VRK3: variants seen among roughly 807,000 people sequenced by gnomAD.
The protein encoded by VRK3 is VRK serine/threonine kinase 3.
In VRK3, 50 loss-of-function variants were observed where a neutral mutation model predicts 60.4. The ratio of observed to expected loss-of-function variants is 0.83; its 90% CI spans 0.66 to 1.05. VRK3 has a LOEUF of 1.05. VRK3 is among the 50% of genes least tolerant of loss of function. The pLI, the probability that VRK3 is intolerant of heterozygous loss-of-function variation, is 0.00. For missense variants in VRK3, 549 were observed against 585.3 expected (o/e 0.94, Z 0.64); for synonymous variants, 246 against 227.8 (o/e 1.08, Z -0.72).
intron 5 of VRK3, among the ~76,000 whole-genome samples, chr19:50,001,792 T>G (rs1469915966): frequency 6.6e-6 from 1 of 152,166 alleles, no homozygotes; most frequent in Non-Finnish European, 1.5e-5. Context: ...CTCCTCCATC[T>G]GCTCTCTGTA....
intron 14 of VRK3, chr19:49,978,738 T>C (rs1261890790): frequency 5.3e-6 from 1 of 189,070 alleles, no homozygotes; most frequent in Non-Finnish European, 1.1e-5. Context: ...GAGGGAGGCA[T>C]GGATGCAAGA....
intron 10 of VRK3, among the ~76,000 whole-genome samples, chr19:49,991,589 G>A (rs2076614099): frequency 1.3e-5 from 2 of 152,028 alleles, no homozygotes; most frequent in South Asian, 4.1e-4. Context: ...CTAATGCTTA[G>A]TTCCAGGATT....
At position 49,979,918 on chromosome 19, in the gene VRK3, C is replaced by T. The variant is rs1214119961; in HGVS notation, c.1277-676G>A. Reference sequence around the variant, plus strand: ...ACAAAAAATTAGCCACACATGGTGGCGGGTGCCTGTAGTCCCAGCTATTTG... The same window carrying T: ...ACAAAAAATTAGCCACACATGGTGGTGGGTGCCTGTAGTCCCAGCTATTTG... On this transcript the variant is annotated intron_variant, in intron 13 of 14. Coordinates refer to ENST00000316763, the MANE Select transcript of VRK3 (RefSeq NM_016440.4). Among the ~76,000 whole-genome samples the T allele has an allele frequency of 7.9e-5, 12 of 151,964 alleles. No individual in the cohort carries two copies. The East Asian group carries it at 1.9e-3, about 24-fold the overall frequency.
intron 10 of VRK3, among the ~76,000 whole-genome samples, chr19:49,990,300 G>T (rs535459809): frequency 1.3e-5 from 2 of 152,080 alleles, no homozygotes; most frequent in African/African-American, 2.4e-5. Context: ...CACCTCAAAG[G>T]GTTCTTATAA....
chr19:49,994,614 A>G (rs2076668509), intron 9 of VRK3, among the ~76,000 whole-genome samples, 200 bp downstream of exon 9: 1 of 152,158 alleles, frequency 6.6e-6, no homozygotes, highest in Non-Finnish European at 1.5e-5. Context: ...TCCAATGCTC[A>G]TGGCCCCCCA....
At chr19:50,004,383 A>T (rs2076859405) in intron 5 of VRK3, among the ~76,000 whole-genome samples, 1 of 150,104 alleles carries the variant, frequency 6.7e-6, no homozygotes, top group Admixed American at 6.7e-5. Flanking sequence ...TCGGCCCCTC[A>T]TTCCTTCTCA....
Position 50,000,814 on chromosome 19 carries a change from C to A in VRK3, c.588G>T (p.Gln196His). ...TSTLTCDSGP[Q>H]KQKFSLKLDA... ...CCAGTTTGAGTGAGAACTTTTGCTT[C>A]TGTGGTCCTGAGTCACAGGTGAGGG... Residue 196 changes from glutamine (Q) to histidine (H), a missense_variant, in exon 6 of 15, where the codon CAG (glutamine) becomes CAT (histidine). Physicochemically the swap from Gln to His is conservative, Grantham distance 24. Transcript: ENST00000316763. 1 of 1,613,922 alleles carries A rather than the reference C, an allele frequency of 6.2e-7. No individual in the cohort carries two copies. Among genetic ancestry groups the A allele is most frequent in the Non-Finnish European group, 8.5e-7 (1 of 1,179,906 alleles).
In VRK3 at chr19:50,007,907, A is replaced by C. The variant is rs777213889; in HGVS notation, c.290-81T>G. 2.3e-4 allele frequency: 360 copies of C among 1,568,664 alleles called. 1 individual carries two copies. Among genetic ancestry groups the C allele is most frequent in the Non-Finnish European group, 4.2e-5 (48 of 1,153,718 alleles). On this transcript the variant is annotated intron_variant, in intron 4 of 14. Coordinates refer to ENST00000316763, the MANE Select transcript of VRK3 (RefSeq NM_016440.4). The stretch of plus-strand genomic sequence containing the variant: ...TGGGGAGTGAAACAGCACGCAAAAT[A>C]CTGTTCCTTTACAAATTCGTTCATT...
At chr19:49,998,857 T>G (rs933552337) in intron 6 of VRK3, 1 of 145,312 alleles carries the variant, frequency 6.9e-6, no homozygotes, top group Non-Finnish European at 1.5e-5. Flanking sequence ...TGATGGCTCA[T>G]GCCTATAATC....
At chr19:49,994,082 G>T (rs927123952) in intron 9 of VRK3, among the ~76,000 whole-genome samples, 2 of 152,064 alleles carry the variant, frequency 1.3e-5, no homozygotes, top group African/African-American at 4.8e-5. Context: ...CATCTCTTCC[G>T]CACTGCAGTG....
intron 7 of VRK3, chr19:49,997,281 C>A (rs949185357): frequency 6.4e-6 from 3 of 469,358 alleles, no homozygotes; most frequent in Non-Finnish European, 7.6e-6. Flanking sequence ...CCACGCCCAG[C>A]CTGAAAATTT....
chr19:49,988,891 CAG>C (rs1452543431), intron 11 of VRK3, among the ~76,000 whole-genome samples: 1 of 152,172 alleles, frequency 6.6e-6, no homozygotes, highest in African/African-American at 2.4e-5. Context: ...ACAAAGGACA[CAG>C]AACACACGGG....
At chr19:49,983,798 G>GC (rs1257643789) in intron 12 of VRK3, among the ~76,000 whole-genome samples, 15 of 152,326 alleles carry the variant, frequency 9.8e-5, no homozygotes, top group African/African-American at 2.9e-4. Context: ...CAGGAAACGA[G>GC]CATGTAGCAA....
In VRK3 at chr19:49,988,486, G is replaced by A. The variant is rs746854746; in HGVS notation, c.1103C>T (p.Ser368Phe). ...SMDLHKGCGP[S>F]RRSDLQSLGY... ...CAGGCTCTGGAGGTCGCTGCGGCGG[G>A]AGGGCCCTGGGGAAGGAGGAGTAAA... The change falls in exon 12 of 15, where the codon TCC becomes TTC. Residue 368 changes from serine to phenylalanine, a missense_variant. Ser to Phe is a radical substitution (Grantham distance 155). Transcript: ENST00000316763. 1 of 1,612,996 alleles carries A rather than the reference G, an allele frequency of 6.2e-7. No homozygotes were observed. Among genetic ancestry groups the A allele is most frequent in the Non-Finnish European group, 8.5e-7 (1 of 1,179,474 alleles).
intron 11 of VRK3, among the ~76,000 whole-genome samples, chr19:49,988,991 A>G (rs953617330): frequency 4.6e-5 from 7 of 152,178 alleles, no homozygotes; most frequent in Admixed American, 4.6e-4. Context: ...CTTCCTGAGC[A>G]TAAGACAACG....
intron 6 of VRK3, chr19:49,999,963 G>A (rs1322288580): frequency 6.6e-6 from 1 of 152,286 alleles, no homozygotes; most frequent in Non-Finnish European, 1.5e-5. Context: ...ATGAAACACA[G>A]CCCGGCTCAG....
At chr19:50,015,865 G>A (rs1335447364) in intron 3 of VRK3, 159 bp downstream of exon 3, 1 of 909,086 alleles carries the variant, frequency 1.1e-6, no homozygotes, top group Non-Finnish European at 1.7e-6. Flanking sequence ...AAGAGGCCAA[G>A]AGACTGATGG....
chr19:49,984,034 T>C (rs1330800254), intron 12 of VRK3, among the ~76,000 whole-genome samples: 1 of 152,168 alleles, frequency 6.6e-6, no homozygotes, highest in African/African-American at 2.4e-5. Context: ...CTGTCTTAAC[T>C]CACCCTGCAC....
chr19:50,004,139 GGAAA>G (rs1443149426), intron 5 of VRK3, among the ~76,000 whole-genome samples: 2 of 152,122 alleles, frequency 1.3e-5, no homozygotes, highest in Non-Finnish European at 2.9e-5. Context: ...GTCATATAAG[GGAAA>G]ACCAAAACCA....
Sources: gnomAD v4.1 joint callset for allele counts (sites outside exome capture counted in the v4.1 genomes callset) on GRCh38, gnomAD v4.1.1 for gene constraint, MANE v1.5 for transcripts, NCBI Gene and HGNC (gene_info 2026-07-23, HGNC 2026-07-21) for gene names.